Variants in SMC2 observed in about 807,000 individuals in gnomAD.
The protein encoded by SMC2 is structural maintenance of chromosomes 2, also known as structural maintenance of chromosomes protein 2.
Under a neutral mutation model 142.6 loss-of-function variants are expected in SMC2, and 41 were observed. That is an observed-to-expected ratio of 0.29 (90% CI 0.22 to 0.37). The LOEUF is 0.37. SMC2 is among the 10% of genes least tolerant of loss of function. The pLI is 1.00. For missense variants in SMC2, 1,265 were observed against 1,373.7 expected (o/e 0.92, Z 1.25); for synonymous variants, 463 against 457.5 (o/e 1.01, Z -0.15).
Position 104,127,476 on chromosome 9 carries a change from C to CAAAGGTATACGTTTGTGTGCATTTTT in SMC2, c.2787_2790+22dup, listed in dbSNP as rs762639162. On this transcript the variant is annotated frameshift_variant, in exon 20 of 25. Coordinates refer to ENST00000374793, the MANE Select transcript of SMC2 (RefSeq NM_006444.3). LOFTEE classifies it high-confidence loss of function. ...AAACGGGAGGCTGAAGATGGTGCTG[C>CAAAGGTATACGTTTGTGTGCATTTTT]AAAGGTATACGTTTGTGTGCATTTT... The CAAAGGTATACGTTTGTGTGCATTTTT allele has an allele frequency of 1.1e-5, 17 of 1,602,516 alleles. No homozygotes were observed. Among genetic ancestry groups the CAAAGGTATACGTTTGTGTGCATTTTT allele is most frequent in the Non-Finnish European group, 1.3e-5 (15 of 1,174,734 alleles).
intron 9 of SMC2, among the ~76,000 whole-genome samples, chr9:104,108,230 G>A (rs1015232538): frequency 5.3e-5 from 8 of 152,106 alleles, no homozygotes; most frequent in African/African-American, 1.4e-4. Flanking sequence ...CAGTATCCAA[G>A]AACTCCAGAA....
intron 22 of SMC2, among the ~76,000 whole-genome samples, chr9:104,133,688 T>C (rs1175553400): frequency 6.6e-6 from 1 of 152,090 alleles, no homozygotes; most frequent in Admixed American, 6.6e-5. Flanking sequence ...AAAATTACCC[T>C]ATTACAAGCT....
At chr9:104,112,356 TATA>T (rs1832558708) in intron 10 of SMC2, among the ~76,000 whole-genome samples, 1 of 152,204 alleles carries the variant, frequency 6.6e-6, no homozygotes, top group Admixed American at 6.5e-5. Context: ...GTCAGTCTAT[TATA>T]ATGTTTCTCA....
At chr9:104,112,552 C>G (rs912578683) in intron 10 of SMC2, among the ~76,000 whole-genome samples, 1 of 152,020 alleles carries the variant, frequency 6.6e-6, no homozygotes, top group Non-Finnish European at 1.5e-5. Flanking sequence ...ATATTTGCAA[C>G]TTTTTCATTC....
In SMC2 at chr9:104,120,017, C is replaced by T. The variant is rs764214809; in HGVS notation, c.1997-10C>T. On this transcript the variant is annotated splice_polypyrimidine_tract_variant and intron_variant, in intron 15 of 24. Transcript: ENST00000374793. ...AATGTGGAAGACCTGTTTCAATTTG[C>T]CTCTATCAGGTGCTCGATCCCAGGC... The T allele has an allele frequency of 1.8e-5, 29 of 1,613,178 alleles. No homozygotes were observed. The South Asian group carries it at 2.5e-4, about 14-fold the overall frequency.
intron 9 of SMC2, among the ~76,000 whole-genome samples, chr9:104,110,848 A>G (rs946744461): frequency 6.6e-6 from 1 of 152,152 alleles, no homozygotes; most frequent in South Asian, 2.1e-4. Context: ...AATTGTTCCT[A>G]TCACTCTATT....
At chr9:104,123,052 T>G in intron 16 of SMC2, 56 bp from the exon 17 acceptor site, 1 of 1,558,618 alleles carries the variant, frequency 6.4e-7, no homozygotes, top group East Asian at 2.3e-5. Flanking sequence ...TTTGAATGTA[T>G]TTCTCAAATA....
At chr9:104,136,738 G>T (rs1168786260) in intron 23 of SMC2, among the ~76,000 whole-genome samples, 1 of 148,144 alleles carries the variant, frequency 6.8e-6, no homozygotes, top group Non-Finnish European at 1.5e-5. Context: ...ATTTGGTTTT[G>T]ATGATACTGT....
At chr9:104,131,010 G>A (rs533716439) in intron 21 of SMC2, among the ~76,000 whole-genome samples, 1 of 152,210 alleles carries the variant, frequency 6.6e-6, no homozygotes, top group South Asian at 2.1e-4. Flanking sequence ...TTAGGGGAGC[G>A]TGGCTGTAAA....
Position 104,101,977 on chromosome 9 carries a change from G to A in SMC2, c.654G>A (p.Leu218=). 1 of 1,591,966 alleles carries A rather than the reference G, an allele frequency of 6.3e-7. No individual in the cohort carries two copies. Among genetic ancestry groups the A allele is most frequent in the Non-Finnish European group, 8.6e-7 (1 of 1,168,674 alleles). The change falls in exon 8 of 25, where the codon TTG becomes TTA. Residue 218 remains leucine (L), a synonymous_variant. Transcript: ENST00000374793. ...QKLKEERSSY[L]EYQKVMREIE... ...TCTTTCAGGAAAGATCGTCCTACTT[G>A]GAGTACCAAAAAGTAATGAGAGAAA...
intron 22 of SMC2, 32 bp downstream of exon 22, chr9:104,132,157 C>A: frequency 8.8e-7 from 1 of 1,142,674 alleles, no homozygotes; most frequent in Non-Finnish European, 1.3e-6. Context: ...TATGAGGTTG[C>A]AAGGATGAAA....
Position 104,116,196 on chromosome 9 carries a change from G to T in SMC2, c.1672-4G>T, listed in dbSNP as rs754765067. The T allele has an allele frequency of 2.5e-5, 40 of 1,586,504 alleles. No individual in the cohort carries two copies. Among genetic ancestry groups the T allele is most frequent in the Non-Finnish European group, 3.3e-5 (39 of 1,171,496 alleles). On this transcript the variant is annotated splice_region_variant and splice_polypyrimidine_tract_variant and intron_variant, in intron 13 of 24. Transcript: ENST00000374793. Reference sequence around the variant, plus strand: ...CGTTTTTTAAATTCAAATGTGTGTTGTAGGTTACTGGTAAAAAGCTACTAG... The same window carrying T: ...CGTTTTTTAAATTCAAATGTGTGTTTTAGGTTACTGGTAAAAAGCTACTAG...
chr9:104,114,859 AAATTTGGTTAGCT>A (rs774027792), intron 13 of SMC2, 30 bp downstream of exon 13: 1 of 1,575,336 alleles, frequency 6.3e-7, no homozygotes, highest in South Asian at 1.2e-5. Flanking sequence ...AAAAAATTTA[AAATTTGGTTAGCT>A]TGAAAAGTCA....
In SMC2 at chr9:104,094,373, T is replaced by C. The variant is rs1026479834; in HGVS notation, c.-166T>C. 1.0e-5 allele frequency: 4 copies of C among 398,622 alleles called. No individual in the cohort carries two copies. The highest frequency in any genetic ancestry group is 1.8e-5 in the Non-Finnish European group (4 of 226,200). The allele number at this position is 398,622 out of a possible 1,614,324, so 24.7% of individuals were successfully genotyped here. On this transcript the variant is annotated 5_prime_UTR_variant, in exon 1 of 25. Coordinates refer to ENST00000374793, the MANE Select transcript of SMC2 (RefSeq NM_006444.3). The stretch of plus-strand genomic sequence containing the variant: ...GTGGCAGGTGTTGTAGCCGCTATGG[T>C]GAAGTTCGCTTTGTAGCGGCCCCGG...
intron 9 of SMC2, among the ~76,000 whole-genome samples, chr9:104,107,935 T>G (rs924132039): frequency 1.3e-5 from 2 of 152,180 alleles, no homozygotes; most frequent in African/African-American, 4.8e-5. Flanking sequence ...AGGTCTTAGG[T>G]GGCAGGCCGG....
At chr9:104,119,837 A>G (rs1302057600) in intron 15 of SMC2, among the ~76,000 whole-genome samples, 190 bp from the exon 16 acceptor site, 4 of 152,208 alleles carry the variant, frequency 2.6e-5, no homozygotes, top group Admixed American at 6.5e-5. Context: ...ACCTACTACA[A>G]CCTCTTGGAT....
intron 16 of SMC2, among the ~76,000 whole-genome samples, chr9:104,121,541 A>G (rs1833740530): frequency 6.6e-6 from 1 of 152,096 alleles, no homozygotes; most frequent in Admixed American, 6.5e-5. Context: ...TATTTTTTCC[A>G]GTATCTCTGA....
chr9:104,112,764 G>C (rs917609559), intron 10 of SMC2, among the ~76,000 whole-genome samples: 4 of 152,114 alleles, frequency 2.6e-5, no homozygotes, highest in Non-Finnish European at 4.4e-5. Flanking sequence ...CAGTGTTCAA[G>C]TGTATAAATT....
At chr9:104,130,358 G>A (rs938675174) in intron 21 of SMC2, among the ~76,000 whole-genome samples, 2 of 152,070 alleles carry the variant, frequency 1.3e-5, no homozygotes, top group Non-Finnish European at 2.9e-5. Flanking sequence ...ATCTAGTGAT[G>A]AACTTGGGAG....
Sources: gnomAD v4.1 joint callset for allele counts (sites outside exome capture counted in the v4.1 genomes callset) on GRCh38, gnomAD v4.1.1 for gene constraint, MANE v1.5 for transcripts, NCBI Gene and HGNC (gene_info 2026-07-23, HGNC 2026-07-21) for gene names.